Variants in SCAPER observed in about 807,000 individuals in gnomAD.
SCAPER encodes the protein S-phase cyclin A associated protein in the ER, also known as S phase cyclin A-associated protein in the endoplasmic reticulum.
SCAPER carries 98 observed loss-of-function variants against 182.2 expected under a neutral mutation model. That is an observed-to-expected ratio of 0.54 (90% CI 0.46 to 0.64). The LOEUF is 0.64. Ranked by LOEUF, SCAPER falls within the 30% of genes least tolerant of loss-of-function variation. The pLI is 0.00. For synonymous variants in SCAPER, 605 were observed against 564.6 expected (o/e 1.07, Z -1.01); for missense variants, 1,432 against 1,690.0 (o/e 0.85, Z 2.68).
chr15:76,853,196 A>G (rs1420306691), intron 4 of SCAPER, among the ~76,000 whole-genome samples: 1 of 152,216 alleles, frequency 6.6e-6, no homozygotes, highest in Non-Finnish European at 1.5e-5. Context: ...GTAGCCTACC[A>G]ACCAAAAAAA....
At chr15:76,479,711 A>C (rs1323548114) in intron 24 of SCAPER, among the ~76,000 whole-genome samples, 1 of 152,214 alleles carries the variant, frequency 6.6e-6, no homozygotes, top group Non-Finnish European at 1.5e-5. Flanking sequence ...GGGAAGGTTT[A>C]ATAATATAAC....
chr15:76,853,274 A>G (rs150723325), intron 4 of SCAPER, among the ~76,000 whole-genome samples: 2 of 152,306 alleles, frequency 1.3e-5, no homozygotes, highest in East Asian at 3.9e-4. Flanking sequence ...TACTATTCCT[A>G]CTGAAACTAT....
intron 14 of SCAPER, among the ~76,000 whole-genome samples, chr15:76,763,525 T>C (rs1310955903): frequency 3.1e-5 from 4 of 127,016 alleles, no homozygotes; most frequent in Non-Finnish European, 6.6e-5. Context: ...GTTCTCCATA[T>C]TTAGGAAGTT....
rs963193144 is a variant in SCAPER, at chr15:76,449,183, C to T, written c.3079-14873G>A. On this transcript the variant is annotated intron_variant, in intron 25 of 31. Coordinates refer to ENST00000563290, the MANE Select transcript of SCAPER (RefSeq NM_020843.4). ...TTTTCTATAAAGGCCTATCAAATAT[C>T]TACTAAACCATATGTGAAATACATG... Among the ~76,000 whole-genome samples, 10 of 152,300 alleles carry T rather than the reference C, an allele frequency of 6.6e-5. No individual in the cohort carries two copies. In the South Asian group the frequency reaches 1.2e-3, roughly 19 times the overall value.
chr15:76,497,910 G>C (rs1395680203), intron 24 of SCAPER, among the ~76,000 whole-genome samples: 1 of 134,726 alleles, frequency 7.4e-6, no homozygotes, highest in Non-Finnish European at 1.5e-5. Context: ...AGAATTGCTT[G>C]AACCTCGGAA....
intron 21 of SCAPER, among the ~76,000 whole-genome samples, chr15:76,643,134 C>T (rs556449875): frequency 2.4e-4 from 36 of 152,284 alleles, no homozygotes; most frequent in Non-Finnish European, 2.6e-4. Flanking sequence ...ATGCTACATG[C>T]TCTAGGGTCA....
intron 20 of SCAPER, among the ~76,000 whole-genome samples, chr15:76,678,573 T>C (rs1005528895): frequency 1.3e-5 from 2 of 152,108 alleles, no homozygotes; most frequent in African/African-American, 2.4e-5. Flanking sequence ...TTAAAACTTA[T>C]ATTTCTTGTT....
intron 5 of SCAPER, among the ~76,000 whole-genome samples, chr15:76,813,231 A>AAAAAAT (rs1263495550): frequency 6.1e-4 from 49 of 79,882 alleles, no homozygotes; most frequent in African/African-American, 1.5e-3. Flanking sequence ...TTTCACTAAA[A>AAAAAAT]AAAAAAAAAA....
chr15:76,663,841 T>C (rs1598015178), intron 21 of SCAPER, among the ~76,000 whole-genome samples: 2 of 152,238 alleles, frequency 1.3e-5, no homozygotes, highest in South Asian at 2.1e-4. Context: ...CATCGCCACA[T>C]TGCACTTAAA....
intron 21 of SCAPER, among the ~76,000 whole-genome samples, chr15:76,628,511 A>T (rs1389621259): frequency 6.6e-6 from 1 of 152,164 alleles, no homozygotes; most frequent in East Asian, 1.9e-4. Flanking sequence ...CAGTTATTCC[A>T]TCACTATTCA....
chr15:76,533,790 C>T (rs1378415866), intron 23 of SCAPER, among the ~76,000 whole-genome samples: 1 of 152,060 alleles, frequency 6.6e-6, no homozygotes, highest in Non-Finnish European at 1.5e-5. Flanking sequence ...GCTACTCCTC[C>T]TCTGTCTATC....
At chr15:76,504,770 A>G in intron 24 of SCAPER, 89 bp downstream of exon 24, 1 of 1,075,336 alleles carries the variant, frequency 9.3e-7, no homozygotes, top group East Asian at 2.7e-5. Context: ...ATACACATAC[A>G]ATTTTCTTGT....
intron 14 of SCAPER, among the ~76,000 whole-genome samples, chr15:76,758,658 A>C (rs1399543830): frequency 6.6e-6 from 1 of 152,162 alleles, no homozygotes; most frequent in African/African-American, 2.4e-5. Flanking sequence ...TTGCACTGAA[A>C]TTGTAGATCA....
At position 76,802,770 on chromosome 15, in the gene SCAPER, A is replaced by G. The variant is rs149530447; in HGVS notation, c.494+1763T>C. Reference sequence around the variant, plus strand: ...AAGATTGAACCAAGATTAAATCCAAAGCAAAGAGGCAGGATAGGCCTATTT... The same window carrying G: ...AAGATTGAACCAAGATTAAATCCAAGGCAAAGAGGCAGGATAGGCCTATTT... On this transcript the variant is annotated intron_variant, in intron 6 of 31. Coordinates refer to ENST00000563290, the MANE Select transcript of SCAPER (RefSeq NM_020843.4). Among the ~76,000 whole-genome samples the G allele has an allele frequency of 2.8e-3, 425 of 152,280 alleles. 1 individual carries two copies. Among genetic ancestry groups the G allele is most frequent in the Non-Finnish European group, 5.2e-3 (353 of 68,012 alleles).
rs566964779 is a variant in SCAPER at position 76,353,035 on chromosome 15, C to G, written c.4047+914G>C. On this transcript the variant is annotated intron_variant, in intron 30 of 31. Transcript: ENST00000563290. ...TACAGGATAGTTTGGAAAACATAAA[C>G]TTTGAAATGTTGTCTAAGATGAAGA... Among the ~76,000 whole-genome samples the G allele has an allele frequency of 2.0e-5, 3 of 152,124 alleles. No homozygotes were observed. In the South Asian group the frequency reaches 6.2e-4, roughly 32 times the overall value.
chr15:76,735,062 T>G (rs2061163485), intron 15 of SCAPER, among the ~76,000 whole-genome samples: 1 of 152,014 alleles, frequency 6.6e-6, no homozygotes, highest in South Asian at 2.1e-4. Context: ...CAACTCAACC[T>G]TGGCAGGGTG....
In SCAPER at chr15:76,800,720, A is replaced by C. The variant is rs115786909; in HGVS notation, c.495-356T>G. 1.4e-3 allele frequency among the ~76,000 whole-genome samples: 219 copies of C among 152,348 alleles called. 1 individual carries two copies. Among genetic ancestry groups the C allele is most frequent in the African/African-American group, 5.1e-3 (211 of 41,576 alleles). On this transcript the variant is annotated intron_variant, in intron 6 of 31. Coordinates refer to ENST00000563290, the MANE Select transcript of SCAPER (RefSeq NM_020843.4). The stretch of plus-strand genomic sequence containing the variant: ...AAAATGTTTAAAAGGCAATGATACT[A>C]CTTCAATCTACTTGTCTCTGATGTC...
intron 21 of SCAPER, among the ~76,000 whole-genome samples, chr15:76,636,797 TC>T (rs1453558049): frequency 6.6e-6 from 1 of 152,178 alleles, no homozygotes; most frequent in Non-Finnish European, 1.5e-5. Flanking sequence ...TTGATTACTT[TC>T]CAGAGTTCCA....
At chr15:76,516,184 C>CTT (rs750442048) in intron 23 of SCAPER, among the ~76,000 whole-genome samples, 2 of 143,008 alleles carry the variant, frequency 1.4e-5, no homozygotes, top group East Asian at 2.0e-4. Context: ...TTCTTTCTTT[C>CTT]TTTTTTTTTT....
Sources: gnomAD v4.1 joint callset for allele counts (sites outside exome capture counted in the v4.1 genomes callset) on GRCh38, gnomAD v4.1.1 for gene constraint, MANE v1.5 for transcripts, NCBI Gene and HGNC (gene_info 2026-07-23, HGNC 2026-07-21) for gene names.